Variants in PCDH15 observed in about 807,000 individuals in gnomAD.
PCDH15 encodes protocadherin related 15.
A neutral mutation model predicts 178.5 loss-of-function variants in PCDH15; 129 were observed. The ratio of observed to expected loss-of-function variants is 0.72; its 90% CI spans 0.63 to 0.84. The LOEUF is 0.84. Among genes scored for constraint, PCDH15 ranks in the 40% least tolerant of loss-of-function variants. The pLI is 0.00. For synonymous variants in PCDH15, 800 were observed against 732.0 expected (o/e 1.09, Z -1.50); for missense variants, 2,230 against 2,099.9 (o/e 1.06, Z -1.21).
intron 3 of PCDH15, among the ~76,000 whole-genome samples, chr10:54,420,937 G>A (rs1237513005): frequency 6.6e-6 from 1 of 152,058 alleles, no homozygotes; most frequent in Non-Finnish European, 1.5e-5. Flanking sequence ...CCATATAAAT[G>A]TGATCATTGG....
At chr10:54,027,346 G>A (rs1206621218) in intron 18 of PCDH15, among the ~76,000 whole-genome samples, 13 of 151,828 alleles carry the variant, frequency 8.6e-5, no homozygotes, top group African/African-American at 2.9e-4. Context: ...AATCAATATC[G>A]TGAAAATGGC....
At chr10:54,234,291 C>G (rs1423623883) in intron 9 of PCDH15, among the ~76,000 whole-genome samples, 1 of 152,010 alleles carries the variant, frequency 6.6e-6, no homozygotes, top group African/African-American at 2.4e-5. Context: ...ATGTATTGAG[C>G]ATTAACTTTT....
chr10:55,277,603 G>T (rs1017306317), intron 1 of PCDH15, among the ~76,000 whole-genome samples: 2 of 152,026 alleles, frequency 1.3e-5, no homozygotes, highest in African/African-American at 2.4e-5. Context: ...TATAATGACA[G>T]ACTGCTAAAA....
intron 2 of PCDH15, among the ~76,000 whole-genome samples, chr10:55,343,523 T>C (rs1254939101): frequency 1.3e-5 from 2 of 152,106 alleles, no homozygotes; most frequent in African/African-American, 4.8e-5. Context: ...ACCTTATTTA[T>C]ATCATAATCT....
At chr10:54,840,820 T>A (rs57588791) in intron 3 of PCDH15, among the ~76,000 whole-genome samples, 174 of 151,910 alleles carry the variant, frequency 1.1e-3, no homozygotes, top group African/African-American at 4.0e-3. Context: ...TCAAAATCTG[T>A]CATGTGACAA....
intron 2 of PCDH15, among the ~76,000 whole-genome samples, chr10:55,463,895 GAGAGAGAAAGAAAGAAAGAA>G (rs1839736859): frequency 7.9e-6 from 1 of 125,878 alleles, no homozygotes; most frequent in African/African-American, 3.2e-5. Context: ...GAGAGGGAGA[GAGAGAGAAAGAAAGAAAGAA>G]AGAAAGAAAG....
chr10:55,598,551 T>C (rs1438285827), intron 2 of PCDH15, among the ~76,000 whole-genome samples: 1 of 64,912 alleles, frequency 1.5e-5, no homozygotes, highest in Non-Finnish European at 2.8e-5. Flanking sequence ...TATATATATA[T>C]ATATATATAT....
chr10:54,287,279 A>C (rs2059089173), intron 8 of PCDH15, among the ~76,000 whole-genome samples: 1 of 152,246 alleles, frequency 6.6e-6, no homozygotes, highest in Non-Finnish European at 1.5e-5. Flanking sequence ...TGAAAACAAT[A>C]ATGAGGCTTC....
Position 54,236,886 on chromosome 10 carries a change from C to T in PCDH15, c.922G>A (p.Asp308Asn). ...IIVTPPIQAI[D>N]QDRNIQPPSD... is the part of the protein sequence containing the mutation. ...GGCGGTTGAATATTCCGGTCCTGATCAATGGCTTGGATTGGTGGCGTAACA... is the reference window on the plus strand; with the variant it reads ...GGCGGTTGAATATTCCGGTCCTGATTAATGGCTTGGATTGGTGGCGTAACA... Residue 308 changes from aspartate (D) to asparagine (N), a missense_variant, in exon 9 of 38, where the codon GAT (aspartate) becomes AAT (asparagine). By Grantham distance (23) the Asp-to-Asn change is conservative. Transcript: ENST00000644397. 2 of 1,613,588 alleles carry T rather than the reference C, an allele frequency of 1.2e-6. No homozygotes were observed. Among genetic ancestry groups the T allele is most frequent in the Non-Finnish European group, 1.7e-6 (2 of 1,179,680 alleles).
intron 8 of PCDH15, among the ~76,000 whole-genome samples, chr10:54,296,353 CCAA>C (rs766102343): frequency 3.9e-5 from 6 of 151,920 alleles, no homozygotes; most frequent in Admixed American, 6.6e-5. Context: ...CTCCAGGGTC[CCAA>C]CAACAAGTTG....
At chr10:54,679,564 G>T (rs1289555881) in intron 1 of PCDH15, among the ~76,000 whole-genome samples, 1 of 152,102 alleles carries the variant, frequency 6.6e-6, no homozygotes, top group Non-Finnish European at 1.5e-5. Context: ...TATTCCAACT[G>T]ACATATTAAA....
At chr10:53,883,902 G>A (rs1035513772) in intron 26 of PCDH15, among the ~76,000 whole-genome samples, 1 of 152,134 alleles carries the variant, frequency 6.6e-6, no homozygotes, top group Non-Finnish European at 1.5e-5. Context: ...TTTTAGTAGA[G>A]ACGGGCTTTC....
Position 54,884,949 on chromosome 10 carries a change from C to A in PCDH15, c.-29+12501G>T, listed in dbSNP as rs1954328485. On this transcript the variant is annotated intron_variant, in intron 3 of 5. Transcript: ENST00000458638. ...TGTGATTTTATGTAAAATATCACCT[C>A]TAATTCTCCATTTCCTTCACTTTCT... 2.0e-5 allele frequency among the ~76,000 whole-genome samples: 3 copies of A among 152,088 alleles called. No homozygotes were observed. The East Asian group carries it at 5.8e-4, about 29-fold the overall frequency.
chr10:54,810,141 A>G (rs1168258861), intron 3 of PCDH15, among the ~76,000 whole-genome samples: 1 of 152,178 alleles, frequency 6.6e-6, no homozygotes, highest in Non-Finnish European at 1.5e-5. Flanking sequence ...GTCAATTTTC[A>G]AAAATAAATA....
intron 2 of PCDH15, among the ~76,000 whole-genome samples, chr10:55,528,568 A>G (rs1021385051): frequency 5.9e-5 from 9 of 152,044 alleles, no homozygotes; most frequent in African/African-American, 2.2e-4. Flanking sequence ...ATCATTTTTT[A>G]TGGCTGCATA....
At chr10:55,175,115 G>A (rs1206055255) in intron 1 of PCDH15, among the ~76,000 whole-genome samples, 1 of 152,088 alleles carries the variant, frequency 6.6e-6, no homozygotes, top group Non-Finnish European at 1.5e-5. Flanking sequence ...TACCATTGGA[G>A]GACCCTAAAT....
chr10:54,965,738 G>A (rs958145834), intron 2 of PCDH15, among the ~76,000 whole-genome samples: 4 of 150,272 alleles, frequency 2.7e-5, no homozygotes, highest in Non-Finnish European at 3.0e-5. Context: ...CCTCACTGGG[G>A]TAATCCTGAT....
chr10:54,307,077 TA>T (rs2060560646), intron 8 of PCDH15, among the ~76,000 whole-genome samples: 1 of 9,718 alleles, frequency 1.0e-4, no homozygotes. Flanking sequence ...TATATATATA[TA>T]TACATATATA....
intron 18 of PCDH15, among the ~76,000 whole-genome samples, chr10:54,060,354 G>T (rs894068967): frequency 1.4e-4 from 22 of 152,228 alleles, no homozygotes; most frequent in Admixed American, 1.4e-3. Flanking sequence ...AAATGCAAGA[G>T]TGCAACTACC....
Sources: allele counts gnomAD v4.1 joint callset (sites outside exome capture counted in the v4.1 genomes callset), GRCh38; gene constraint gnomAD v4.1.1; transcripts MANE v1.5; gene names NCBI Gene and HGNC (gene_info 2026-07-23, HGNC 2026-07-21).